The following ARFGAP3 variants were observed in gnomAD, a reference collection of about 807,000 sequenced individuals.
ARFGAP3 encodes the protein ADP-ribosylation factor GTPase-activating protein 3.
A neutral mutation model predicts 75.0 loss-of-function variants in ARFGAP3; 72 were observed. The observed-to-expected ratio is 0.96, with a 90% CI of 0.79 to 1.17. The LOEUF (loss-of-function observed/expected upper bound fraction) is 1.17, where lower values mean the gene tolerates loss of function less well. Ranked by LOEUF, ARFGAP3 falls within the 50% of genes most tolerant of loss-of-function variation. The pLI is 0.00. For synonymous variants in ARFGAP3, 221 were observed against 217.9 expected (o/e 1.01, Z -0.13); for missense variants, 620 against 626.6 (o/e 0.99, Z 0.11).
At chr22:42,823,845 CAA>C in intron 7 of ARFGAP3, 143 bp from the exon 8 acceptor site, 1 of 1,083,082 alleles carries the variant, frequency 9.2e-7, no homozygotes. Flanking sequence ...CCAGAAGACT[CAA>C]GTTGATAAGC....
At chr22:42,797,848 A>G (rs1257987055) in intron 15 of ARFGAP3, 2 of 639,538 alleles carry the variant, frequency 3.1e-6, no homozygotes, top group African/African-American at 2.0e-5. Flanking sequence ...CCACGGCCAC[A>G]GTCCTGGGAT....
chr22:42,841,201 C>G, intron 2 of ARFGAP3, 185 bp from the exon 3 acceptor site: 3 of 649,948 alleles, frequency 4.6e-6, no homozygotes, highest in South Asian at 1.4e-4. Context: ...GTGAGCAACC[C>G]CTGGCTCCTC....
intron 14 of ARFGAP3, among the ~76,000 whole-genome samples, chr22:42,802,603 ATTTT>A (rs544982207): frequency 2.3e-5 from 3 of 133,162 alleles, no homozygotes; most frequent in Admixed American, 1.5e-4. Context: ...CAAAATAAGA[ATTTT>A]TTTTTTTTTT....
At chr22:42,801,473 C>T (rs969032014) in intron 14 of ARFGAP3, among the ~76,000 whole-genome samples, 1 of 152,198 alleles carries the variant, frequency 6.6e-6, no homozygotes, top group Non-Finnish European at 1.5e-5. Context: ...ACTTGCGGTC[C>T]AAGCCCATGG....
rs754772571 is a variant in ARFGAP3 at position 42,857,197 on chromosome 22, C to A, written c.-15G>T. The A allele has an allele frequency of 1.3e-6, 2 of 1,507,612 alleles. No individual in the cohort carries two copies. Among genetic ancestry groups the A allele is most frequent in the Admixed American group, 2.1e-5 (1 of 46,690 alleles). The allele number at this position is 1,507,612 out of a possible 1,614,324, so 93.4% of individuals were successfully genotyped here. Reference sequence around the variant, plus strand: ...GGGTCCCCCATCGTCAGCTGTGAGCCGCGGCGCAGCTGGCCCAGCCAACCG... The same window carrying A: ...GGGTCCCCCATCGTCAGCTGTGAGCAGCGGCGCAGCTGGCCCAGCCAACCG... On this transcript the variant is annotated 5_prime_UTR_variant, in exon 1 of 16. Coordinates refer to ENST00000263245, the MANE Select transcript of ARFGAP3 (RefSeq NM_014570.5).
intron 14 of ARFGAP3, among the ~76,000 whole-genome samples, chr22:42,799,496 G>GT (rs1259296392): frequency 6.6e-6 from 1 of 152,174 alleles, no homozygotes; most frequent in Non-Finnish European, 1.5e-5. Flanking sequence ...GCCCTGGCAG[G>GT]TAAGTACCCA....
chr22:42,852,822 T>C (rs912421613), intron 1 of ARFGAP3, among the ~76,000 whole-genome samples: 1 of 152,196 alleles, frequency 6.6e-6, no homozygotes, highest in Non-Finnish European at 1.5e-5. Flanking sequence ...TGGAGTGCAG[T>C]GGCGTGACCT....
intron 14 of ARFGAP3, among the ~76,000 whole-genome samples, chr22:42,803,748 A>T (rs1165794890): frequency 3.3e-5 from 5 of 152,222 alleles, no homozygotes; most frequent in Admixed American, 6.5e-5. Context: ...ACAGTGAAAG[A>T]GAGTGCCCGT....
intron 12 of ARFGAP3, among the ~76,000 whole-genome samples, chr22:42,809,825 A>T (rs1477850893): frequency 6.6e-6 from 1 of 151,702 alleles, no homozygotes; most frequent in Non-Finnish European, 1.5e-5. Flanking sequence ...AACATGGTGA[A>T]ACCCCGTCTC....
chr22:42,850,795 C>T (rs1359025394), intron 1 of ARFGAP3, among the ~76,000 whole-genome samples: 1 of 152,064 alleles, frequency 6.6e-6, no homozygotes, highest in Non-Finnish European at 1.5e-5. Flanking sequence ...TGACAACTGA[C>T]ACAAAAAGAG....
intron 6 of ARFGAP3, 90 bp from the exon 7 acceptor site, chr22:42,827,089 C>CGT (rs1555898003): frequency 2.0e-6 from 3 of 1,515,602 alleles, no homozygotes; most frequent in Admixed American, 2.1e-5. Context: ...CTCAGTGCTA[C>CGT]ATCTTATCCA....
chr22:42,831,286 C>CAA (rs560803857), intron 6 of ARFGAP3, among the ~76,000 whole-genome samples: 2,721 of 72,590 alleles, frequency 0.037, 107 homozygotes, highest in African/African-American at 0.12. Context: ...GACTTAGTCT[C>CAA]AAAAAAAAAA....
intron 11 of ARFGAP3, among the ~76,000 whole-genome samples, chr22:42,813,371 G>A (rs1278233679): frequency 6.6e-6 from 1 of 152,168 alleles, no homozygotes; most frequent in Non-Finnish European, 1.5e-5. Context: ...CCTGGAGTGG[G>A]AAGAGGGGGG....
At chr22:42,804,375 A>G (rs1339708013) in intron 14 of ARFGAP3, among the ~76,000 whole-genome samples, 1 of 107,876 alleles carries the variant, frequency 9.3e-6, no homozygotes, top group East Asian at 2.7e-4. Flanking sequence ...ACACCCAGCT[A>G]ATTTTTTTTT....
At chr22:42,831,787 TTC>T in intron 5 of ARFGAP3, 151 bp from the exon 6 acceptor site, 1 of 1,431,346 alleles carries the variant, frequency 7.0e-7, no homozygotes, top group Non-Finnish European at 9.1e-7. Context: ...TTTTCTTGCT[TTC>T]TTTTTTTTTT....
At chr22:42,832,760 T>A (rs941412947) in intron 5 of ARFGAP3, among the ~76,000 whole-genome samples, 2 of 151,112 alleles carry the variant, frequency 1.3e-5, no homozygotes, top group Non-Finnish European at 3.0e-5. Context: ...CCGAAGCAGG[T>A]GGATCACCTG....
chr22:42,805,565 G>C (rs1452233864), intron 14 of ARFGAP3, among the ~76,000 whole-genome samples: 1 of 152,182 alleles, frequency 6.6e-6, no homozygotes, highest in African/African-American at 2.4e-5. Context: ...CCAGGACACT[G>C]AAAGTTTGGA....
chr22:42,841,277 A>G (rs1926769888), intron 2 of ARFGAP3, among the ~76,000 whole-genome samples: 1 of 152,184 alleles, frequency 6.6e-6, no homozygotes, highest in Non-Finnish European at 1.5e-5. Flanking sequence ...GAACGACACC[A>G]ACTCTTTGCC....
intron 2 of ARFGAP3, among the ~76,000 whole-genome samples, chr22:42,842,982 C>A (rs992592556): frequency 3.9e-5 from 6 of 152,006 alleles, no homozygotes; most frequent in Non-Finnish European, 8.8e-5. Context: ...TACGGCAGGT[C>A]CTAGTATTCT....
Sources: allele counts gnomAD v4.1 joint callset (sites outside exome capture counted in the v4.1 genomes callset), GRCh38; gene constraint gnomAD v4.1.1; transcripts MANE v1.5; gene names NCBI Gene and HGNC (gene_info 2026-07-23, HGNC 2026-07-21).